Variants in NELL1 observed in about 807,000 individuals in gnomAD.
NELL1 encodes the protein protein kinase C-binding protein NELL1.
Under a neutral mutation model 107.4 loss-of-function variants are expected in NELL1, and 76 were observed. That is an observed-to-expected ratio of 0.71 (90% confidence interval 0.59 to 0.86). The LOEUF is 0.86. Among genes scored for constraint, NELL1 ranks in the 40% least tolerant of loss-of-function variants. NELL1 has a pLI of 0.00. For missense variants in NELL1, 1,024 were observed against 1,005.5 expected (o/e 1.02, Z -0.25); for synonymous variants, 353 against 341.2 (o/e 1.03, Z -0.38).
rs114883346 is a variant in NELL1, at chr11:21,322,960, G to A, written c.1550-47893G>A. On this transcript the variant is annotated intron_variant, in intron 14 of 19. Transcript: ENST00000357134. ...GAATTGAAAGTGCCCCCTTAGGATA[G>A]AAGCACAAGCCATTGTTGTATAAAA... is the stretch of plus-strand genomic sequence containing the variant. 5.8e-3 allele frequency among the ~76,000 whole-genome samples: 883 copies of A among 152,166 alleles called. 9 individuals are homozygous for A. The highest frequency in any genetic ancestry group is 0.02 in the African/African-American group (843 of 41,500).
At chr11:20,681,779 G>A (rs1216808910) in intron 2 of NELL1, among the ~76,000 whole-genome samples, 1 of 152,092 alleles carries the variant, frequency 6.6e-6, no homozygotes, top group African/African-American at 2.4e-5. Flanking sequence ...CTTTCTGGAA[G>A]CTCTACTGAA....
chr11:20,875,505 A>T (rs1186134948), intron 4 of NELL1, among the ~76,000 whole-genome samples: 1 of 152,066 alleles, frequency 6.6e-6, no homozygotes, highest in Non-Finnish European at 1.5e-5. Context: ...AGAGTTTGAG[A>T]CCCTGTCTCT....
At position 20,987,466 on chromosome 11, in the gene NELL1, G is replaced by A. The variant is rs143448714; in HGVS notation, c.1300+26906G>A. The stretch of plus-strand genomic sequence containing the variant: ...TTCTGCACGGCTGGGGAGGCCTCAG[G>A]AAACTTACAATCATGATGGAAGGGG... On this transcript the variant is annotated intron_variant, in intron 12 of 19. Coordinates refer to ENST00000357134, the MANE Select transcript of NELL1 (RefSeq NM_006157.5). Among the ~76,000 whole-genome samples the A allele has an allele frequency of 5.6e-3, 851 of 152,280 alleles. 4 individuals are homozygous for A. Among genetic ancestry groups the A allele is most frequent in the Middle Eastern group, 0.02 (6 of 294 alleles).
intron 14 of NELL1, among the ~76,000 whole-genome samples, chr11:21,259,332 C>T (rs368678229): frequency 6.6e-6 from 1 of 151,774 alleles, no homozygotes; most frequent in African/African-American, 2.4e-5. Context: ...ATTAGGGGGT[C>T]AGGGAAGGCT....
At chr11:21,183,333 G>A (rs1856867653) in intron 13 of NELL1, among the ~76,000 whole-genome samples, 2 of 151,880 alleles carry the variant, frequency 1.3e-5, no homozygotes, top group Admixed American at 1.3e-4. Context: ...GATTGTTGCT[G>A]AAGTGATATT....
At position 21,118,550 on chromosome 11, in the gene NELL1, G is replaced by A. The variant is rs139078250; in HGVS notation, c.1426+4836G>A. 2.7e-3 allele frequency among the ~76,000 whole-genome samples: 406 copies of A among 152,148 alleles called. 2 individuals are homozygous for A. The highest frequency in any genetic ancestry group is 9.1e-3 in the African/African-American group (379 of 41,544). ...GTCATTTGCCTGTGTAATAAATGAG[G>A]TGTATGATAGATATCTGCCACTATA... On this transcript the variant is annotated intron_variant, in intron 13 of 19. Transcript: ENST00000357134.
intron 17 of NELL1, among the ~76,000 whole-genome samples, chr11:21,562,288 G>A (rs1285235540): frequency 1.3e-5 from 2 of 152,012 alleles, no homozygotes; most frequent in Admixed American, 6.6e-5. Flanking sequence ...AAAGTCTTAT[G>A]AGAATTAGAC....
At chr11:20,766,245 A>G (rs11025748) in intron 2 of NELL1, among the ~76,000 whole-genome samples, 85,616 of 152,032 alleles carry the variant, frequency 0.56, 25,664 homozygotes, top group Middle Eastern at 0.75. Context: ...ACTTTATAGC[A>G]GTGAGAGGAG....
chr11:20,812,193 A>G (rs540847053), intron 3 of NELL1, among the ~76,000 whole-genome samples: 1 of 152,180 alleles, frequency 6.6e-6, no homozygotes, highest in Non-Finnish European at 1.5e-5. Context: ...TATTGAGATG[A>G]TCATATTTTT....
intron 14 of NELL1, among the ~76,000 whole-genome samples, chr11:21,305,754 A>G (rs1849591981): frequency 6.6e-6 from 1 of 151,892 alleles, no homozygotes; most frequent in South Asian, 2.1e-4. Flanking sequence ...TACATTTGTT[A>G]CAAGCATTTC....
Position 21,575,110 on chromosome 11 carries a change from G to T in NELL1, c.*88G>T, listed in dbSNP as rs998239913. 8.2e-7 allele frequency: 1 copy of T among 1,225,104 alleles called. No homozygotes were observed. Among genetic ancestry groups the T allele is most frequent in the Non-Finnish European group, 1.2e-6 (1 of 839,092 alleles). The allele number at this position is 1,225,104 out of a possible 1,614,324, so 75.9% of individuals were successfully genotyped here. On this transcript the variant is annotated 3_prime_UTR_variant, in exon 20 of 20. Transcript: ENST00000357134. ...TAGGAATCGGTAGTTTGGTTTTTTTGTTTGTTTTGTTTTTTTAACCACAGA... is the reference window on the plus strand; with the variant it reads ...TAGGAATCGGTAGTTTGGTTTTTTTTTTTGTTTTGTTTTTTTAACCACAGA...
At chr11:21,338,788 G>A (rs1001169634) in intron 14 of NELL1, among the ~76,000 whole-genome samples, 13 of 152,104 alleles carry the variant, frequency 8.5e-5, no homozygotes, top group Non-Finnish European at 1.6e-4. Flanking sequence ...TATAAAGCAT[G>A]GAAGTAAATG....
intron 2 of NELL1, among the ~76,000 whole-genome samples, chr11:20,708,820 G>A (rs183432563): frequency 1.7e-3 from 265 of 152,166 alleles, no homozygotes; most frequent in African/African-American, 5.9e-3. Flanking sequence ...ACAGTGGTCC[G>A]CAAACTTTTT....
intron 2 of NELL1, among the ~76,000 whole-genome samples, chr11:20,709,107 G>A (rs1246461364): frequency 5.3e-5 from 8 of 152,014 alleles, no homozygotes; most frequent in Admixed American, 5.2e-4. Flanking sequence ...TTCCTGACAA[G>A]GGGTTGGGGA....
intron 13 of NELL1, among the ~76,000 whole-genome samples, chr11:21,133,738 T>TG (rs796175300): frequency 6.0e-4 from 6 of 10,078 alleles, no homozygotes; most frequent in African/African-American, 2.1e-3. Flanking sequence ...TGGGGCTTGG[T>TG]GGGGGGGTGG....
chr11:20,934,423 G>A (rs973098210), intron 9 of NELL1, among the ~76,000 whole-genome samples: 2 of 152,210 alleles, frequency 1.3e-5, no homozygotes, highest in African/African-American at 2.4e-5. Flanking sequence ...ATTTTTATAA[G>A]AGACTGGTGG....
chr11:21,358,266 T>A (rs1198931560), intron 14 of NELL1, among the ~76,000 whole-genome samples: 2 of 152,206 alleles, frequency 1.3e-5, no homozygotes, highest in Non-Finnish European at 2.9e-5. Flanking sequence ...TTGATTCTAC[T>A]CATCCATGAG....
chr11:20,973,065 C>A (rs117512491), intron 12 of NELL1, among the ~76,000 whole-genome samples: 4,671 of 150,408 alleles, frequency 0.031, 107 homozygotes, highest in Non-Finnish European at 0.047. Flanking sequence ...CTTTGTCAAA[C>A]CTTATTAGAG....
At chr11:21,507,028 T>C (rs1855297895) in intron 15 of NELL1, among the ~76,000 whole-genome samples, 1 of 147,760 alleles carries the variant, frequency 6.8e-6, no homozygotes, top group Non-Finnish European at 1.5e-5. Context: ...ACTATCCATG[T>C]AATGTGTTCT....
Sources: gnomAD v4.1 joint callset for allele counts (sites outside exome capture counted in the v4.1 genomes callset) on GRCh38, gnomAD v4.1.1 for gene constraint, MANE v1.5 for transcripts, NCBI Gene and HGNC (gene_info 2026-07-23, HGNC 2026-07-21) for gene names.